NARS2: variants seen among roughly 807,000 people sequenced by gnomAD.
The protein encoded by NARS2 is asparaginyl-tRNA synthetase.
Under a neutral mutation model 62.9 loss-of-function variants are expected in NARS2, and 60 were observed. The ratio of observed to expected loss-of-function variants is 0.95; its 90% confidence interval spans 0.77 to 1.18. The LOEUF is 1.18. Among genes scored for constraint, NARS2 ranks in the 50% most tolerant of loss-of-function variants. NARS2 has a pLI of 0.00. For synonymous variants in NARS2, 196 were observed against 200.0 expected (o/e 0.98, Z 0.17); for missense variants, 619 against 576.4 (o/e 1.07, Z -0.76).
At chr11:78,567,002 G>A (rs886931729) in intron 3 of NARS2, among the ~76,000 whole-genome samples, 2 of 152,022 alleles carry the variant, frequency 1.3e-5, no homozygotes, top group African/African-American at 4.8e-5. Flanking sequence ...CTTTTATGTC[G>A]TATAGAAACA....
intron 6 of NARS2, among the ~76,000 whole-genome samples, chr11:78,510,539 A>G (rs1307355151): frequency 1.3e-5 from 2 of 152,202 alleles, no homozygotes; most frequent in Non-Finnish European, 2.9e-5. Context: ...TCAATAATGT[A>G]AAGAACCAGA....
intron 6 of NARS2, among the ~76,000 whole-genome samples, chr11:78,497,506 T>G (rs919680569): frequency 6.6e-6 from 1 of 152,140 alleles, no homozygotes; most frequent in Non-Finnish European, 1.5e-5. Flanking sequence ...ACCCCCAACC[T>G]CCATATCACT....
chr11:78,436,036 G>A lies in NARS2; in HGVS notation c.*634C>T, dbSNP rs1407908618. 1 of 151,970 alleles carries A rather than the reference G, an allele frequency of 6.6e-6. No individual in the cohort carries two copies. Among genetic ancestry groups the A allele is most frequent in the African/African-American group, 2.4e-5 (1 of 41,388 alleles). 9.4% of individuals were successfully genotyped at this position (151,970 alleles called of 1,614,324 possible). A position where few individuals can be genotyped will look rare whatever the true frequency, so the allele number is the denominator to read the frequency against. Reference sequence around the variant, plus strand: ...CAAATATAAACAAATTATAACAACAGTGATTAAAGAGTTGAAATACTTAAT... The same window carrying A: ...CAAATATAAACAAATTATAACAACAATGATTAAAGAGTTGAAATACTTAAT... On this transcript the variant is annotated 3_prime_UTR_variant, in exon 14 of 14. Coordinates refer to ENST00000281038, the MANE Select transcript of NARS2 (RefSeq NM_024678.6).
rs113071536 is a variant in NARS2 at position 78,437,154 on chromosome 11, C to T, written c.1290-340G>A. Among the ~76,000 whole-genome samples, 1,207 of 152,292 alleles carry T rather than the reference C, an allele frequency of 7.9e-3. 20 individuals carry two copies. Among genetic ancestry groups the T allele is most frequent in the African/African-American group, 0.028 (1,157 of 41,560 alleles). On this transcript the variant is annotated intron_variant, in intron 13 of 13. Coordinates refer to ENST00000281038, the MANE Select transcript of NARS2 (RefSeq NM_024678.6). ...ATTTACTAATTTTCTTGAAAATATA[C>T]GCCTCTTTTATTTCTTGGTAGGTTA...
chr11:78,572,234 T>C (rs1856955222), intron 1 of NARS2, among the ~76,000 whole-genome samples: 1 of 152,232 alleles, frequency 6.6e-6, no homozygotes, highest in Non-Finnish European at 1.5e-5. Flanking sequence ...TTTCTTACTT[T>C]CACTTGTTAA....
At chr11:78,456,497 G>T (rs1858168514) in intron 11 of NARS2, among the ~76,000 whole-genome samples, 1 of 152,138 alleles carries the variant, frequency 6.6e-6, no homozygotes, top group Admixed American at 6.5e-5. Flanking sequence ...GTTGGTTGGT[G>T]GCTCGAGCTA....
At chr11:78,501,097 C>G (rs1244505070) in intron 6 of NARS2, among the ~76,000 whole-genome samples, 2 of 152,076 alleles carry the variant, frequency 1.3e-5, no homozygotes, top group African/African-American at 4.8e-5. Flanking sequence ...GTCTCAAACA[C>G]ACATACACAC....
Position 78,518,328 on chromosome 11 carries a change from G to C in NARS2, c.689+10514C>G, listed in dbSNP as rs115370914. On this transcript the variant is annotated intron_variant, in intron 6 of 13. Coordinates refer to ENST00000281038, the MANE Select transcript of NARS2 (RefSeq NM_024678.6). ...CAGTCCCCCTCAGATATATGGAGACGAACTGTATAAACCAGTAGAGGAAAA... is the reference window on the plus strand; with the variant it reads ...CAGTCCCCCTCAGATATATGGAGACCAACTGTATAAACCAGTAGAGGAAAA... 7.1e-3 allele frequency among the ~76,000 whole-genome samples: 1,082 copies of C among 152,156 alleles called. 12 individuals carry two copies. Among genetic ancestry groups the C allele is most frequent in the African/African-American group, 0.025 (1,019 of 41,500 alleles).
rs757009762 is a variant in NARS2 at position 78,574,430 on chromosome 11, G to A, written c.59C>T (p.Pro20Leu). The stretch of plus-strand genomic sequence containing the variant: ...CAGTTTGGCTGAAGGTTTGTGCTTG[G>A]GGAAGGGGGCGGAGGAACAGAAGCG... ...SVRFCSSAPF[P>L]KHKPSAKLSV... The change falls in exon 1 of 14, where the codon CCC becomes CTC. Residue 20 changes from proline (P) to leucine (L), a missense_variant. Transcript: ENST00000281038. The A allele has an allele frequency of 4.3e-6, 7 of 1,614,034 alleles. No individual in the cohort carries two copies. Among genetic ancestry groups the A allele is most frequent in the Admixed American group, 1.7e-5 (1 of 60,000 alleles).
chr11:78,452,742 T>A (rs1448130364), intron 11 of NARS2, among the ~76,000 whole-genome samples: 1 of 152,164 alleles, frequency 6.6e-6, no homozygotes, highest in Non-Finnish European at 1.5e-5. Context: ...AATAATGGCA[T>A]AGGAACCCTC....
intron 6 of NARS2, among the ~76,000 whole-genome samples, chr11:78,495,359 A>G (rs750326257): frequency 2.0e-5 from 3 of 151,982 alleles, no homozygotes; most frequent in Non-Finnish European, 4.4e-5. Flanking sequence ...GAAAATTCCC[A>G]TTCATCCTTC....
intron 4 of NARS2, 105 bp downstream of exon 4, chr11:78,566,027 C>T (rs1590873721): frequency 1.1e-6 from 1 of 951,048 alleles, no homozygotes; most frequent in Non-Finnish European, 1.5e-6. Context: ...TCAAAACTAA[C>T]CCATAACTAA....
At chr11:78,521,475 T>C (rs1170871247) in intron 6 of NARS2, among the ~76,000 whole-genome samples, 1 of 151,996 alleles carries the variant, frequency 6.6e-6, no homozygotes, top group Non-Finnish European at 1.5e-5. Flanking sequence ...GCCAGGCCTG[T>C]GTCATCTTTA....
At chr11:78,512,599 A>G (rs1241040983) in intron 6 of NARS2, among the ~76,000 whole-genome samples, 3 of 152,198 alleles carry the variant, frequency 2.0e-5, no homozygotes, top group Admixed American at 6.5e-5. Context: ...TATATAAAGT[A>G]GCCAGAATTC....
intron 1 of NARS2, among the ~76,000 whole-genome samples, chr11:78,572,160 T>C (rs1051269813): frequency 5.3e-5 from 8 of 152,070 alleles, no homozygotes; most frequent in African/African-American, 1.7e-4. Flanking sequence ...CCAGCCTGGG[T>C]GACAGAGCAA....
At chr11:78,572,580 T>C (rs879567368) in intron 1 of NARS2, among the ~76,000 whole-genome samples, 3 of 152,198 alleles carry the variant, frequency 2.0e-5, no homozygotes, top group Non-Finnish European at 4.4e-5. Context: ...ATGCAAGATA[T>C]CTTCCTTAAC....
chr11:78,450,256 T>C (rs1157196533), intron 11 of NARS2, among the ~76,000 whole-genome samples: 1 of 152,222 alleles, frequency 6.6e-6, no homozygotes, highest in African/African-American at 2.4e-5. Flanking sequence ...AGAACAGTAG[T>C]TCTCCTATTT....
chr11:78,495,686 G>GA (rs1254866980), intron 6 of NARS2, among the ~76,000 whole-genome samples: 1 of 152,070 alleles, frequency 6.6e-6, no homozygotes, highest in Non-Finnish European at 1.5e-5. Context: ...TACAAATATA[G>GA]AAAAATACTC....
At chr11:78,523,332 A>T (rs1211074514) in intron 6 of NARS2, among the ~76,000 whole-genome samples, 1 of 152,204 alleles carries the variant, frequency 6.6e-6, no homozygotes, top group East Asian at 1.9e-4. Flanking sequence ...ATTTGCAAGG[A>T]TGTGGAGAAA....
Sources: gnomAD v4.1 joint callset for allele counts (sites outside exome capture counted in the v4.1 genomes callset) on GRCh38, gnomAD v4.1.1 for gene constraint, MANE v1.5 for transcripts, NCBI Gene and HGNC (gene_info 2026-07-23, HGNC 2026-07-21) for gene names.